Variants in C1orf159 observed in about 807,000 individuals in gnomAD.
The protein encoded by C1orf159 is uncharacterized protein C1orf159.
A neutral mutation model predicts 25.6 loss-of-function variants in C1orf159; 19 were observed. The observed-to-expected ratio is 0.74, with a 90% CI of 0.52 to 1.09. The LOEUF (loss-of-function observed/expected upper bound fraction) is 1.09. Ranked by LOEUF, C1orf159 falls within the 50% of genes least tolerant of loss-of-function variation. C1orf159 has a pLI of 0.00. For synonymous variants in C1orf159, 139 were observed against 124.7 expected, an observed-to-expected ratio of 1.12 and a Z score of -0.77; for missense variants, 274 against 290.6, an observed-to-expected ratio of 0.94 and a Z score of 0.42.
chr1:1,093,425 G>A (rs75878198), intron 1 of C1orf159, among the ~76,000 whole-genome samples: 2,361 of 152,292 alleles, frequency 0.016, 62 homozygotes, highest in African/African-American at 0.054. Flanking sequence ...ACACAAGCGG[G>A]TGAGTGTGAC....
At chr1:1,085,543 A>G (rs1295386623) in intron 7 of C1orf159, among the ~76,000 whole-genome samples, 5 of 151,968 alleles carry the variant, frequency 3.3e-5, no homozygotes, top group Non-Finnish European at 5.9e-5. Flanking sequence ...GGCAAGTCCA[A>G]CTGCCGAGAG....
chr1:1,084,195 G>GA (rs1284350385), intron 9 of C1orf159, 158 bp downstream of exon 9: 17 of 1,524,326 alleles, frequency 1.1e-5, no homozygotes, highest in Non-Finnish European at 1.5e-5. Context: ...GCCAAATCCG[G>GA]CCCTGGCCCT....
At chr1:1,091,724 T>C (rs371882893) in intron 2 of C1orf159, 159 bp from the exon 3 acceptor site, 2 of 85,192 alleles carry the variant, frequency 2.3e-5, no homozygotes, top group Non-Finnish European at 4.7e-5. Context: ...TGGTGGAGGG[T>C]GGGGCCAAAT....
chr1:1,084,954 G>A (rs535655979), intron 7 of C1orf159, among the ~76,000 whole-genome samples: 1 of 152,270 alleles, frequency 6.6e-6, no homozygotes, highest in Non-Finnish European at 1.5e-5. Context: ...CGCGATGGGG[G>A]TGCCGTGGCA....
At chr1:1,091,030 C>A in intron 3 of C1orf159, 1 of 1,441,320 alleles carries the variant, frequency 6.9e-7, no homozygotes, top group South Asian at 1.3e-5. Flanking sequence ...CTGCGGAGTG[C>A]GGGATAGAAT....
In C1orf159 at chr1:1,084,513, G is replaced by T; in HGVS notation, c.446-7C>A. ...CCAGGCTGCAGGGCCGGAGCTGTGG[G>T]GGAGAAAGCGGAGAGTCACCCTGGA... On this transcript the variant is annotated splice_region_variant and splice_polypyrimidine_tract_variant and intron_variant, in intron 7 of 9. Transcript: ENST00000421241. The T allele has an allele frequency of 6.4e-7, 1 of 1,552,464 alleles. No homozygotes were observed. Among genetic ancestry groups the T allele is most frequent in the Non-Finnish European group, 8.7e-7 (1 of 1,148,260 alleles).
At chr1:1,102,319 C>T (rs1162846310) in intron 1 of C1orf159, among the ~76,000 whole-genome samples, 1 of 151,684 alleles carries the variant, frequency 6.6e-6, no homozygotes, top group Non-Finnish European at 1.5e-5. Context: ...TAGATATCAC[C>T]TACAGGTCCC....
At chr1:1,088,118 C>T (rs1423357587) in intron 4 of C1orf159, among the ~76,000 whole-genome samples, 8 of 146,614 alleles carry the variant, frequency 5.5e-5, no homozygotes, top group Non-Finnish European at 1.1e-4. Context: ...TCCCCAAGAA[C>T]CCCCACTGCA....
intron 3 of C1orf159, chr1:1,091,094 C>G: frequency 1.1e-6 from 1 of 896,818 alleles, no homozygotes; most frequent in African/African-American, 1.7e-5. Flanking sequence ...CCAGCCAGGA[C>G]AGTGAGGGGT....
Position 1,090,375 on chromosome 1 carries a change from T to A in C1orf159, c.126A>T (p.Pro42=). The A allele has an allele frequency of 6.4e-7, 1 of 1,550,502 alleles. No homozygotes were observed. The highest frequency in any genetic ancestry group is 8.7e-7 in the Non-Finnish European group (1 of 1,146,944). The change falls in exon 4 of 10, where the codon CCA becomes CCT. Residue 42 remains proline, a synonymous_variant. Coordinates refer to ENST00000421241, the MANE Select transcript of C1orf159 (RefSeq NM_017891.5). ...VDVVGVNASC[P]GASLCGPGCY... is the part of the protein sequence containing the mutation. ...TACCTGGACCACACAGACTTGCGCCTGGGCAGCTGGCGTTGACGCCCACCA... is the reference window on the plus strand; with the variant it reads ...TACCTGGACCACACAGACTTGCGCCAGGGCAGCTGGCGTTGACGCCCACCA...
At chr1:1,114,825 G>C (rs1357111245) in intron 1 of C1orf159, among the ~76,000 whole-genome samples, 1 of 150,250 alleles carries the variant, frequency 6.7e-6, no homozygotes, top group African/African-American at 2.4e-5. Flanking sequence ...CAGGAAACAG[G>C]AAGACGCCTA....
intron 1 of C1orf159, among the ~76,000 whole-genome samples, chr1:1,104,911 G>C (rs1646150553): frequency 6.6e-6 from 1 of 152,206 alleles, no homozygotes; most frequent in Non-Finnish European, 1.5e-5. Context: ...TCCAAGGGAT[G>C]TAAACCTGTT....
intron 7 of C1orf159, among the ~76,000 whole-genome samples, chr1:1,085,668 C>T (rs1455855380): frequency 1.3e-5 from 2 of 152,230 alleles, no homozygotes; most frequent in Non-Finnish European, 2.9e-5. Flanking sequence ...CCCCTTGGTG[C>T]TTCGACCCTT....
chr1:1,107,470 G>A (rs1381071774), intron 1 of C1orf159, among the ~76,000 whole-genome samples: 1 of 152,182 alleles, frequency 6.6e-6, no homozygotes, highest in African/African-American at 2.4e-5. Flanking sequence ...CTAGCTCAAG[G>A]TTTGTAAATG....
At chr1:1,090,620 G>A (rs574559905) in intron 3 of C1orf159, 192 bp from the exon 4 acceptor site, 13 of 701,886 alleles carry the variant, frequency 1.9e-5, no homozygotes, top group South Asian at 1.2e-4. Flanking sequence ...CAGCCACAGT[G>A]CACATCCCTG....
At position 1,090,570 on chromosome 1, in the gene C1orf159, C is replaced by T. The variant is rs1265443166; in HGVS notation, c.73-142G>A. 44 of 874,798 alleles carry T rather than the reference C, an allele frequency of 5.0e-5. 1 individual carries two copies. The highest frequency in any genetic ancestry group is 4.0e-4 in the South Asian group (25 of 62,476). The allele number at this position is 874,798 out of a possible 1,614,324, so 54.2% of individuals were successfully genotyped here. A position where few individuals can be genotyped will look rare whatever the true frequency, so the allele number is the denominator to read the frequency against. On this transcript the variant is annotated intron_variant, in intron 3 of 9. Coordinates refer to ENST00000421241, the MANE Select transcript of C1orf159 (RefSeq NM_017891.5). ...TCTTCTGGAGTCAGCATCGGGTGGC[C>T]CTCTGTCCCCTGTGGGCCTGGGAGC...
At chr1:1,096,682 T>C (rs1036073847) in intron 1 of C1orf159, among the ~76,000 whole-genome samples, 2 of 152,334 alleles carry the variant, frequency 1.3e-5, no homozygotes, top group Non-Finnish European at 2.9e-5. Context: ...AGTTTATCCA[T>C]TGCATTGAAA....
At chr1:1,097,511 C>T (rs1484377549) in intron 1 of C1orf159, among the ~76,000 whole-genome samples, 1 of 152,022 alleles carries the variant, frequency 6.6e-6, no homozygotes, top group East Asian at 1.9e-4. Flanking sequence ...CTCCTGGGCT[C>T]AAGCGATCCT....
chr1:1,089,551 C>T lies in C1orf159; in HGVS notation c.148+802G>A, dbSNP rs565982218. On this transcript the variant is annotated intron_variant, in intron 4 of 9. Coordinates refer to ENST00000421241, the MANE Select transcript of C1orf159 (RefSeq NM_017891.5). The surrounding 1 kb of genome is among the most constrained non-coding windows in gnomAD (Gnocchi z 7.5). ...ACCCCCACGCCCAGCCTCGGACCCC[C>T]GCGCCCAGCCTCACTGGCTGCCACA... Among the ~76,000 whole-genome samples, 27 of 152,246 alleles carry T rather than the reference C, an allele frequency of 1.8e-4. No homozygotes were observed. Among genetic ancestry groups the T allele is most frequent in the South Asian group, 4.1e-4 (2 of 4,830 alleles).
Sources: gnomAD v4.1 joint callset for allele counts (sites outside exome capture counted in the v4.1 genomes callset) on GRCh38, gnomAD v4.1.1 for gene constraint, Gnocchi (gnomAD v3.1) non-coding constraint, MANE v1.5 for transcripts, NCBI Gene and HGNC (gene_info 2026-07-23, HGNC 2026-07-21) for gene names.